Variants in GRM5 observed in about 807,000 individuals in gnomAD.
GRM5 encodes the protein glutamate metabotropic receptor 5, also known as metabotropic glutamate receptor 5.
A neutral mutation model predicts 83.1 loss-of-function variants in GRM5; 19 were observed. The observed-to-expected ratio is 0.23, with a 90% confidence interval of 0.16 to 0.34. The LOEUF (loss-of-function observed/expected upper bound fraction) is 0.34. Among genes scored for constraint, GRM5 ranks in the 10% least tolerant of loss-of-function variants. GRM5 has a pLI of 1.00. For synonymous variants in GRM5, 675 were observed against 633.6 expected (o/e 1.07, Z -0.98); for missense variants, 1,160 against 1,588.3 (o/e 0.73, Z 4.58).
At chr11:88,600,391 T>G (rs1485783428) in intron 5 of GRM5, among the ~76,000 whole-genome samples, 2 of 150,788 alleles carry the variant, frequency 1.3e-5, no homozygotes, top group Non-Finnish European at 2.9e-5. Flanking sequence ...TGAAATGTTT[T>G]TCTCAGCACA....
intron 3 of GRM5, among the ~76,000 whole-genome samples, chr11:88,681,477 G>A (rs1940484873): frequency 6.7e-6 from 1 of 149,836 alleles, no homozygotes; most frequent in African/African-American, 2.5e-5. Flanking sequence ...ATTTGTTTTG[G>A]AACTACTCTT....
intron 3 of GRM5, among the ~76,000 whole-genome samples, chr11:88,803,791 C>T (rs1359640178): frequency 1.3e-5 from 2 of 152,074 alleles, no homozygotes; most frequent in African/African-American, 4.8e-5. Flanking sequence ...ACTCATCTGA[C>T]AAAGGGCTAA....
intron 5 of GRM5, among the ~76,000 whole-genome samples, chr11:88,603,822 T>C (rs1013217584): frequency 6.6e-6 from 1 of 152,190 alleles, no homozygotes; most frequent in African/African-American, 2.4e-5. Context: ...TTGTTGGGGA[T>C]TCATGAAACC....
chr11:88,697,045 C>T (rs1300245911), intron 3 of GRM5, among the ~76,000 whole-genome samples: 1 of 152,074 alleles, frequency 6.6e-6, no homozygotes, highest in Non-Finnish European at 1.5e-5. Context: ...GGCACAAGAG[C>T]TGATTTGGCA....
chr11:88,789,662 A>G (rs1467907166), intron 3 of GRM5, among the ~76,000 whole-genome samples: 1 of 152,162 alleles, frequency 6.6e-6, no homozygotes. Flanking sequence ...GAAATTTTCT[A>G]ACTCCTCAAA....
At chr11:88,573,207 G>C (rs907005638) in intron 7 of GRM5, among the ~76,000 whole-genome samples, 1 of 152,110 alleles carries the variant, frequency 6.6e-6, no homozygotes, top group Non-Finnish European at 1.5e-5. Context: ...AAGAGGGAAA[G>C]TGAGCTGCCA....
intron 3 of GRM5, among the ~76,000 whole-genome samples, chr11:88,665,782 A>ATT (rs11377369): frequency 2.4e-4 from 36 of 148,216 alleles, no homozygotes; most frequent in African/African-American, 6.2e-4. Flanking sequence ...AAGGCTGAAT[A>ATT]TTTTTTTTTT....
chr11:88,956,342 A>C (rs530724258), intron 2 of GRM5, among the ~76,000 whole-genome samples: 1 of 152,362 alleles, frequency 6.6e-6, no homozygotes, highest in African/African-American at 2.4e-5. Flanking sequence ...GATTCTAATT[A>C]AGTGAATTAT....
intron 3 of GRM5, among the ~76,000 whole-genome samples, chr11:88,727,999 T>A (rs7948250): frequency 6.6e-6 from 1 of 151,842 alleles, no homozygotes; most frequent in Non-Finnish European, 1.5e-5. Context: ...ATTCAACAGC[T>A]AGCAGAAGAC....
intron 3 of GRM5, among the ~76,000 whole-genome samples, chr11:88,695,344 T>C (rs1186158527): frequency 1.3e-5 from 2 of 152,256 alleles, no homozygotes; most frequent in Admixed American, 6.5e-5. Flanking sequence ...AAGTATGTAC[T>C]TCCATTATTT....
intron 2 of GRM5, among the ~76,000 whole-genome samples, chr11:88,993,044 T>TA (rs1305555023): frequency 1.3e-5 from 2 of 149,660 alleles, no homozygotes; most frequent in Non-Finnish European, 3.0e-5. Context: ...AATAAAAAAA[T>TA]AAAAAATAAA....
chr11:88,799,931 A>G (rs567790914), intron 3 of GRM5, among the ~76,000 whole-genome samples: 1 of 152,234 alleles, frequency 6.6e-6, no homozygotes, highest in Admixed American at 6.5e-5. Context: ...CTGGCAAACA[A>G]CAGACTCTGT....
rs60645129 is a variant in GRM5 at position 88,541,482 on chromosome 11, A to G, written c.2631-16078T>C. ...TATACACACATACAATCACACACTT[A>G]TACATATATAAACATACATATAGAT... On this transcript the variant is annotated intron_variant, in intron 8 of 9. Transcript: ENST00000305447. Among the ~76,000 whole-genome samples, 399 of 152,324 alleles carry G rather than the reference A, an allele frequency of 2.6e-3. 1 individual carries two copies. The highest frequency in any genetic ancestry group is 9.1e-3 in the African/African-American group (378 of 41,572).
At chr11:88,585,660 A>G (rs983730747) in intron 7 of GRM5, among the ~76,000 whole-genome samples, 1 of 152,146 alleles carries the variant, frequency 6.6e-6, no homozygotes, top group Non-Finnish European at 1.5e-5. Flanking sequence ...TGAAGAGGCA[A>G]TTTTAAATAT....
At chr11:88,946,788 ATTCT>A (rs953599797) in intron 2 of GRM5, among the ~76,000 whole-genome samples, 2 of 152,044 alleles carry the variant, frequency 1.3e-5, no homozygotes, top group African/African-American at 2.4e-5. Context: ...ATTTTCAGAA[ATTCT>A]TTCTTTTGTG....
At chr11:88,648,962 C>T (rs908843449) in intron 4 of GRM5, among the ~76,000 whole-genome samples, 1,286 of 149,678 alleles carry the variant, frequency 8.6e-3, no homozygotes, top group African/African-American at 0.03. Flanking sequence ...ATTCTACAGG[C>T]TTAAGGAGCT....
At chr11:88,937,384 T>A (rs1319540305) in intron 2 of GRM5, among the ~76,000 whole-genome samples, 1 of 151,752 alleles carries the variant, frequency 6.6e-6, no homozygotes, top group African/African-American at 2.4e-5. Context: ...TTGTCTTCTT[T>A]CAACATTTAT....
chr11:88,785,314 T>C (rs917376601), intron 3 of GRM5, among the ~76,000 whole-genome samples: 36 of 152,220 alleles, frequency 2.4e-4, no homozygotes, highest in Non-Finnish European at 1.6e-4. Flanking sequence ...TTGGTAGTTA[T>C]TCTGGTAAAT....
At chr11:88,564,184 T>A (rs780264800) in intron 8 of GRM5, among the ~76,000 whole-genome samples, 26 of 152,140 alleles carry the variant, frequency 1.7e-4, no homozygotes, top group Non-Finnish European at 3.2e-4. Context: ...CATAGACAGA[T>A]CAAGATTTGC....
Sources: gnomAD v4.1 joint callset for allele counts (sites outside exome capture counted in the v4.1 genomes callset) on GRCh38, gnomAD v4.1.1 for gene constraint, MANE v1.5 for transcripts, NCBI Gene and HGNC (gene_info 2026-07-23, HGNC 2026-07-21) for gene names.